The following ADARB2 variants were observed in gnomAD, a reference collection of about 807,000 sequenced individuals.
The protein encoded by ADARB2 is inactive double-stranded RNA-specific editase B2.
ADARB2 carries 25 observed loss-of-function variants against 62.2 expected under a neutral mutation model. The observed-to-expected ratio is 0.40, with a 90% confidence interval of 0.29 to 0.56. The LOEUF (loss-of-function observed/expected upper bound fraction) is 0.56. Among genes scored for constraint, ADARB2 ranks in the 20% least tolerant of loss-of-function variants. The pLI is 0.43. For synonymous variants in ADARB2, 572 were observed against 500.8 expected (o/e 1.14, Z -1.90); for missense variants, 1,071 against 1,077.4 (o/e 0.99, Z 0.08).
chr10:1,389,727 G>A (rs1832553102), intron 1 of ADARB2, among the ~76,000 whole-genome samples: 1 of 150,568 alleles, frequency 6.6e-6, no homozygotes. Flanking sequence ...TGGGTGACAG[G>A]CAGAGTGAGA....
chr10:1,502,911 T>C (rs1335403565), intron 1 of ADARB2, among the ~76,000 whole-genome samples: 1 of 152,260 alleles, frequency 6.6e-6, no homozygotes, highest in Non-Finnish European at 1.5e-5. Flanking sequence ...AGCATGAGCA[T>C]ATGGTGCCAT....
chr10:1,510,116 CT>C (rs1419159528), intron 1 of ADARB2, among the ~76,000 whole-genome samples: 5 of 101,794 alleles, frequency 4.9e-5, no homozygotes, highest in African/African-American at 2.1e-4. Context: ...TTCTCTCTTT[CT>C]TTCTTTCTTT....
In ADARB2 at chr10:1,183,376, A is replaced by G; in HGVS notation, c.2044-7T>C. ...TGGGTGTCCGTGTGCTCAGCTGCGG[A>G]CAAGAAGGAGAAAGAGCCAATCAGA... On this transcript the variant is annotated splice_region_variant and splice_polypyrimidine_tract_variant and intron_variant, in intron 9 of 9. Coordinates refer to ENST00000381312, the MANE Select transcript of ADARB2 (RefSeq NM_018702.4). 2 of 1,606,044 alleles carry G rather than the reference A, an allele frequency of 1.2e-6. No homozygotes were observed. Among genetic ancestry groups the G allele is most frequent in the Non-Finnish European group, 1.7e-6 (2 of 1,173,270 alleles).
At chr10:1,215,503 C>G (rs1837221533) in intron 7 of ADARB2, among the ~76,000 whole-genome samples, 1 of 152,240 alleles carries the variant, frequency 6.6e-6, no homozygotes, top group Non-Finnish European at 1.5e-5. Context: ...CCTGCACATC[C>G]TGGGGACCAA....
intron 1 of ADARB2, among the ~76,000 whole-genome samples, chr10:1,665,616 A>G (rs1834306452): frequency 6.6e-6 from 1 of 152,252 alleles, no homozygotes; most frequent in East Asian, 1.9e-4. Flanking sequence ...CCAAGAAGCA[A>G]TCGTCTACTG....
intron 1 of ADARB2, among the ~76,000 whole-genome samples, chr10:1,490,281 T>C (rs1831602791): frequency 1.3e-5 from 2 of 152,192 alleles, no homozygotes; most frequent in African/African-American, 4.8e-5. Context: ...CAGGCAATAG[T>C]ATACTATAGA....
chr10:1,507,499 G>T (rs1831867404), intron 1 of ADARB2, among the ~76,000 whole-genome samples: 1 of 152,234 alleles, frequency 6.6e-6, no homozygotes, highest in African/African-American at 2.4e-5. Flanking sequence ...AGTCCCTTCT[G>T]AGTGCTTCCT....
intron 1 of ADARB2, among the ~76,000 whole-genome samples, chr10:1,674,272 C>T (rs904343758): frequency 4.6e-5 from 7 of 152,226 alleles, no homozygotes; most frequent in African/African-American, 1.4e-4. Context: ...TGGGGGCCCC[C>T]GCAGCCTCAA....
At chr10:1,688,619 T>C (rs1834628921) in intron 1 of ADARB2, among the ~76,000 whole-genome samples, 1 of 152,134 alleles carries the variant, frequency 6.6e-6, no homozygotes, top group Admixed American at 6.5e-5. Context: ...GCCTTCTGAC[T>C]GTCATGTCAC....
At chr10:1,658,503 GTC>G (rs1369512822) in intron 1 of ADARB2, among the ~76,000 whole-genome samples, 4 of 151,018 alleles carry the variant, frequency 2.6e-5, no homozygotes, top group African/African-American at 9.8e-5. Context: ...CTCTTTTTCT[GTC>G]TCTATCTGAT....
chr10:1,357,336 T>C (rs1564267354), intron 3 of ADARB2, among the ~76,000 whole-genome samples: 1 of 152,092 alleles, frequency 6.6e-6, no homozygotes, highest in Non-Finnish European at 1.5e-5. Context: ...CCTCTCTGAG[T>C]GCTCTGAGAA....
intron 1 of ADARB2, among the ~76,000 whole-genome samples, chr10:1,706,857 C>A (rs777313960): frequency 1.3e-5 from 2 of 150,778 alleles, no homozygotes; most frequent in African/African-American, 4.9e-5. Flanking sequence ...TGAGGACAAC[C>A]TCTCCAGGGA....
chr10:1,503,352 ATT>A (rs532165381), intron 1 of ADARB2, among the ~76,000 whole-genome samples: 56 of 139,854 alleles, frequency 4.0e-4, no homozygotes, highest in Admixed American at 9.2e-4. Flanking sequence ...ATACCCAGCT[ATT>A]TTTTTTTTTT....
At chr10:1,730,054 T>C (rs943175255) in intron 1 of ADARB2, among the ~76,000 whole-genome samples, 10 of 152,176 alleles carry the variant, frequency 6.6e-5, no homozygotes, top group African/African-American at 2.4e-4. Context: ...CACCTGAAGG[T>C]GTTGAGCTAT....
At position 1,254,152 on chromosome 10, in the gene ADARB2, T is replaced by C. The variant is rs112556328; in HGVS notation, c.1193-11853A>G. 5.8e-3 allele frequency among the ~76,000 whole-genome samples: 861 copies of C among 148,884 alleles called. 7 individuals carry two copies. Among genetic ancestry groups the C allele is most frequent in the Middle Eastern group, 0.026 (7 of 270 alleles). On this transcript the variant is annotated intron_variant, in intron 4 of 9. Transcript: ENST00000381312. ...AGTGGATTCCGTGGTTAGAATGCAG[T>C]GGGCTCTGTGGTTAGGACATGGTGG...
chr10:1,385,648 A>C (rs1832519122), intron 1 of ADARB2, among the ~76,000 whole-genome samples: 2 of 152,190 alleles, frequency 1.3e-5, no homozygotes, highest in African/African-American at 2.4e-5. Context: ...TCTGTTGGAC[A>C]ATATAAAGCA....
rs762625492 is a variant in ADARB2 at position 1,363,606 on chromosome 10, A to T, written c.499T>A (p.Phe167Ile). The change falls in exon 3 of 10, where the codon TTC (phenylalanine) becomes ATC (isoleucine). Residue 167 changes from phenylalanine to isoleucine, a missense_variant. By Grantham distance (21) the Phe-to-Ile change is conservative. Coordinates refer to ENST00000381312, the MANE Select transcript of ADARB2 (RefSeq NM_018702.4). Reference sequence around the variant, plus strand: ...TTCTTGGTGGGGCCTGTGCCCTCGAACGTGAGCCCGTTCACCTCCACCGCT... The same window carrying T: ...TTCTTGGTGGGGCCTGTGCCCTCGATCGTGAGCCCGTTCACCTCCACCGCT... ...AVAVEVNGLT[F>I]EGTGPTKKKA... The T allele has an allele frequency of 1.9e-6, 3 of 1,601,388 alleles. No homozygotes were observed. Among genetic ancestry groups the T allele is most frequent in the Non-Finnish European group, 1.7e-6 (2 of 1,174,226 alleles).
chr10:1,434,663 G>C (rs1830815522), intron 1 of ADARB2, among the ~76,000 whole-genome samples: 1 of 152,170 alleles, frequency 6.6e-6, no homozygotes, highest in African/African-American at 2.4e-5. Flanking sequence ...TTTAGCAGCA[G>C]ACAAGATAAG....
intron 1 of ADARB2, among the ~76,000 whole-genome samples, chr10:1,391,274 C>G (rs546672390): frequency 6.6e-5 from 10 of 152,148 alleles, no homozygotes; most frequent in Non-Finnish European, 1.0e-4. Flanking sequence ...TGTGACCCCC[C>G]CATAGTGCTC....
Sources: allele counts gnomAD v4.1 joint callset (sites outside exome capture counted in the v4.1 genomes callset), GRCh38; gene constraint gnomAD v4.1.1; transcripts MANE v1.5; gene names NCBI Gene and HGNC (gene_info 2026-07-23, HGNC 2026-07-21).